The following DPP6 variants were observed in gnomAD, a reference collection of about 807,000 sequenced individuals.
DPP6 encodes the protein dipeptidyl peptidase like 6.
A neutral mutation model predicts 122.6 loss-of-function variants in DPP6; 69 were observed. The observed-to-expected ratio is 0.56, with a 90% confidence interval of 0.46 to 0.69. The LOEUF (loss-of-function observed/expected upper bound fraction) is 0.69. Among genes scored for constraint, DPP6 ranks in the 30% least tolerant of loss-of-function variants. The pLI is 0.00. For synonymous variants in DPP6, 418 were observed against 433.1 expected (o/e 0.97, Z 0.43); for missense variants, 928 against 1,116.9 (o/e 0.83, Z 2.41).
At chr7:154,751,649 A>T (rs1350307542) in intron 8 of DPP6, among the ~76,000 whole-genome samples, 2 of 151,582 alleles carry the variant, frequency 1.3e-5, no homozygotes, top group Non-Finnish European at 2.9e-5. Context: ...TCAAAGGGTC[A>T]TGTCATCTCC....
intron 1 of DPP6, among the ~76,000 whole-genome samples, chr7:153,924,938 T>C (rs1800821345): frequency 6.6e-6 from 1 of 152,178 alleles, no homozygotes; most frequent in Admixed American, 6.5e-5. Flanking sequence ...AAGAAAGATC[T>C]GGACTCGAGG....
chr7:154,036,018 G>A (rs1037610796), intron 1 of DPP6, among the ~76,000 whole-genome samples: 1 of 102,082 alleles, frequency 9.8e-6, no homozygotes, highest in African/African-American at 4.8e-5. Context: ...ACGCGCGCGC[G>A]CTTGTGTGTG....
intron 18 of DPP6, among the ~76,000 whole-genome samples, chr7:154,871,707 G>C (rs974920511): frequency 6.6e-6 from 1 of 152,134 alleles, no homozygotes; most frequent in Non-Finnish European, 1.5e-5. Context: ...CATTCAGCCC[G>C]AATCAGTAAT....
At chr7:154,126,554 G>T (rs1370415298) in intron 1 of DPP6, among the ~76,000 whole-genome samples, 1 of 151,484 alleles carries the variant, frequency 6.6e-6, no homozygotes, top group Non-Finnish European at 1.5e-5. Context: ...ATGTCCACAG[G>T]ATTTTGCTTC....
intron 1 of DPP6, among the ~76,000 whole-genome samples, chr7:154,263,041 CAA>C (rs1267097558): frequency 2.0e-5 from 3 of 152,180 alleles, no homozygotes; most frequent in Non-Finnish European, 4.4e-5. Flanking sequence ...CGTAATACTT[CAA>C]TAAAATCTGT....
At chr7:153,751,998 A>T in the DPP6 span, among the ~76,000 whole-genome samples, 3 of 152,180 alleles carry the variant, frequency 2.0e-5, no homozygotes, top group Non-Finnish European at 4.4e-5. Flanking sequence ...GGACTTTGGG[A>T]TCCTAAGGTA....
chr7:154,689,072 A>G (rs549507312), intron 7 of DPP6, among the ~76,000 whole-genome samples: 1 of 152,040 alleles, frequency 6.6e-6, no homozygotes, highest in South Asian at 2.1e-4. Flanking sequence ...TTCATCCTCA[A>G]CTCTGCCTTA....
intron 9 of DPP6, among the ~76,000 whole-genome samples, chr7:154,770,435 T>A (rs1796187376): frequency 1.3e-5 from 2 of 152,078 alleles, no homozygotes; most frequent in Non-Finnish European, 2.9e-5. Context: ...CAAGATGAGA[T>A]TTGGGTGGGG....
At chr7:154,034,578 T>C (rs149130602) in intron 1 of DPP6, among the ~76,000 whole-genome samples, 5,403 of 152,276 alleles carry the variant, frequency 0.035, 317 homozygotes, top group African/African-American at 0.12. Flanking sequence ...GATTTCTCTT[T>C]TGCCTACTTT....
chr7:154,749,846 C>T (rs981495914), intron 8 of DPP6, among the ~76,000 whole-genome samples: 3 of 125,196 alleles, frequency 2.4e-5, no homozygotes, highest in Non-Finnish European at 3.3e-5. Context: ...AAGCATAGGA[C>T]GGGAAAGAGA....
At chr7:153,852,659 C>A in the DPP6 span, among the ~76,000 whole-genome samples, 1 of 152,114 alleles carries the variant, frequency 6.6e-6, no homozygotes, top group African/African-American at 2.4e-5. Context: ...ACATACAGTA[C>A]ACATTGTGAG....
intron 1 of DPP6, among the ~76,000 whole-genome samples, chr7:153,985,587 G>T (rs921563505): frequency 3.3e-5 from 5 of 152,138 alleles, no homozygotes; most frequent in African/African-American, 1.2e-4. Flanking sequence ...AAGAGTTGGG[G>T]TTTGTCATAT....
At chr7:154,695,361 G>T (rs889518057) in intron 7 of DPP6, among the ~76,000 whole-genome samples, 66 of 152,324 alleles carry the variant, frequency 4.3e-4, no homozygotes, top group African/African-American at 1.5e-3. Flanking sequence ...GTGCTAGTGT[G>T]TGTATGAGAT....
chr7:154,878,781 G>A (rs1045966288), intron 20 of DPP6, among the ~76,000 whole-genome samples: 26 of 152,322 alleles, frequency 1.7e-4, no homozygotes, highest in African/African-American at 5.8e-4. Context: ...GAGACAGGTT[G>A]TCTCTGGGCT....
At chr7:154,165,792 G>T (rs1483806597) in intron 1 of DPP6, among the ~76,000 whole-genome samples, 1 of 152,162 alleles carries the variant, frequency 6.6e-6, no homozygotes, top group Non-Finnish European at 1.5e-5. Flanking sequence ...ATTTTTGGCT[G>T]CATAAATGTC....
intron 5 of DPP6, among the ~76,000 whole-genome samples, chr7:154,627,181 T>A (rs960778768): frequency 2.4e-5 from 3 of 126,106 alleles, no homozygotes; most frequent in Admixed American, 2.4e-4. Flanking sequence ...CCTGGCTAAT[T>A]TTTTTTCCTT....
chr7:153,887,491 G>A, exon 1 of DPP6: 2 of 551,586 alleles, frequency 3.6e-6, no homozygotes, highest in African/African-American at 1.9e-5. Context: ...GATTGCTATT[G>A]GGATCCGCTG....
At chr7:153,814,852 AG>A in the DPP6 span, among the ~76,000 whole-genome samples, 1 of 151,350 alleles carries the variant, frequency 6.6e-6, no homozygotes, top group Admixed American at 6.6e-5. Flanking sequence ...AACCAAAGAC[AG>A]AAACCACATG....
At chr7:153,772,515 A>C in the DPP6 span, among the ~76,000 whole-genome samples, 2 of 152,242 alleles carry the variant, frequency 1.3e-5, no homozygotes, top group Non-Finnish European at 2.9e-5. Flanking sequence ...AAAATGAAAC[A>C]ATGAAAACAA....
Sources: allele counts gnomAD v4.1 joint callset (sites outside exome capture counted in the v4.1 genomes callset), GRCh38; gene constraint gnomAD v4.1.1; transcripts MANE v1.5; gene names NCBI Gene and HGNC (gene_info 2026-07-23, HGNC 2026-07-21).